Variants in EML6 observed in about 807,000 individuals in gnomAD.
EML6 encodes the protein echinoderm microtubule-associated protein-like 6.
Under a neutral mutation model 240.1 loss-of-function variants are expected in EML6, and 154 were observed. That is an observed-to-expected ratio of 0.64 (90% CI 0.56 to 0.73). The LOEUF is 0.73. EML6 is among the 30% of genes least tolerant of loss of function. The pLI is 0.00. For synonymous variants in EML6, 1,148 were observed against 899.0 expected, an observed-to-expected ratio of 1.28 and a Z score of -4.95; for missense variants, 2,964 against 2,474.6, an observed-to-expected ratio of 1.20 and a Z score of -4.20.
At chr2:54,855,458 G>GCCCCCCCCCCCCC (rs11297060) in intron 11 of EML6, among the ~76,000 whole-genome samples, 4 of 124,112 alleles carry the variant, frequency 3.2e-5, no homozygotes, top group Non-Finnish European at 3.4e-5. Flanking sequence ...CTTCTACCAT[G>GCCCCCCCCCCCCC]CCCCCCCCCC....
At chr2:54,799,963 C>T (rs181150344) in intron 2 of EML6, among the ~76,000 whole-genome samples, 8 of 152,060 alleles carry the variant, frequency 5.3e-5, no homozygotes, top group Non-Finnish European at 8.8e-5. Flanking sequence ...TTTGGGGTTT[C>T]GGCCAGGTGT....
intron 35 of EML6, among the ~76,000 whole-genome samples, chr2:54,961,928 C>G (rs1193825511): frequency 2.0e-5 from 3 of 151,618 alleles, no homozygotes; most frequent in Non-Finnish European, 4.4e-5. Context: ...CGCTTGAACC[C>G]AGGAGGCAGA....
At position 54,970,295 on chromosome 2, in the gene EML6, G is replaced by A. The variant is rs548646428; in HGVS notation, c.*200G>A. 77 of 609,968 alleles carry A rather than the reference G, an allele frequency of 1.3e-4. No individual in the cohort carries two copies. Among genetic ancestry groups the A allele is most frequent in the Non-Finnish European group, 2.1e-4 (72 of 342,940 alleles). 37.8% of individuals were successfully genotyped at this position (609,968 alleles called of 1,614,324 possible). ...CCAAAACCGTGATGCCACGAAGGAA[G>A]GTCAAGTTTTAAAATGTTAAAGACT... On this transcript the variant is annotated 3_prime_UTR_variant, in exon 42 of 42. Coordinates refer to ENST00000356458, the MANE Select transcript of EML6 (RefSeq NM_001039753.4).
chr2:54,916,788 C>G lies in EML6; in HGVS notation c.3528C>G (p.Thr1176=). The change falls in exon 26 of 42, where the codon ACC becomes ACG. Residue 1176 remains threonine, a synonymous_variant. Coordinates refer to ENST00000356458, the MANE Select transcript of EML6 (RefSeq NM_001039753.4). ...EIEKIEWDTW[T]CVLGPTCEGI... The stretch of plus-strand genomic sequence containing the variant: ...AGAAGATAGAGTGGGACACATGGAC[C>G]TGTGTCCTGGGGCCCACCTGTGAGG... 3 of 1,536,868 alleles carry G rather than the reference C, an allele frequency of 2.0e-6. No individual in the cohort carries two copies. The highest frequency in any genetic ancestry group is 2.6e-6 in the Non-Finnish European group (3 of 1,135,778).
chr2:54,765,081 A>G (rs1402590470), intron 2 of EML6, among the ~76,000 whole-genome samples: 2 of 152,024 alleles, frequency 1.3e-5, no homozygotes, highest in Non-Finnish European at 2.9e-5. Context: ...CTTTCTCGTA[A>G]TAATATATTT....
At position 54,892,404 on chromosome 2, in the gene EML6, T is replaced by C. The variant is rs1220478065; in HGVS notation, c.2540-50T>C. ...TGGAAGTAGTCCTTCTACATGCTTA[T>C]AGGAAGTGCCAGATTTTATAAAGTA... On this transcript the variant is annotated intron_variant, in intron 18 of 41. Transcript: ENST00000356458. 29 of 1,286,398 alleles carry C rather than the reference T, an allele frequency of 2.3e-5. No individual in the cohort carries two copies. The East Asian group carries it at 3.3e-4, about 15-fold the overall frequency. The allele number at this position is 1,286,398 out of a possible 1,614,324, so 79.7% of individuals were successfully genotyped here. A position where few individuals can be genotyped will look rare whatever the true frequency, so the allele number is the denominator to read the frequency against.
At chr2:54,728,374 C>T (rs927537958) in intron 2 of EML6, among the ~76,000 whole-genome samples, 8 of 152,190 alleles carry the variant, frequency 5.3e-5, no homozygotes, top group Non-Finnish European at 2.9e-5. Context: ...CATTTATCTC[C>T]TCACTCTGGA....
At chr2:54,742,167 T>A (rs2103653150) in intron 2 of EML6, among the ~76,000 whole-genome samples, 1 of 152,312 alleles carries the variant, frequency 6.6e-6, no homozygotes. Flanking sequence ...ACAGATCTGA[T>A]CTGTCTCTGC....
Position 54,849,964 on chromosome 2 carries a change from A to G in EML6, c.1190A>G (p.Asp397Gly). 1 of 1,550,676 alleles carries G rather than the reference A, an allele frequency of 6.4e-7. No homozygotes were observed. ...CGTTTTGCTTTTTATTCTTACAGAG[A>G]TATGACAGAAGTAGTTCACATCAAA... ...DGSFIVLRVR[D>G]MTEVVHIKDR... Residue 397 changes from aspartate to glycine, a missense_variant and splice_region_variant, in exon 10 of 42, where the codon GAT becomes GGT. Asp to Gly is a moderately conservative substitution (Grantham distance 94). Coordinates refer to ENST00000356458, the MANE Select transcript of EML6 (RefSeq NM_001039753.4).
At chr2:54,804,495 G>A (rs1202692544) in intron 2 of EML6, among the ~76,000 whole-genome samples, 1 of 152,208 alleles carries the variant, frequency 6.6e-6, no homozygotes. Flanking sequence ...TTTATCAGTA[G>A]CAATTATACT....
chr2:54,741,796 G>T (rs1016540550), intron 2 of EML6, among the ~76,000 whole-genome samples: 1 of 152,132 alleles, frequency 6.6e-6, no homozygotes, highest in Non-Finnish European at 1.5e-5. Context: ...AAAAATCCTT[G>T]CATCCATAGT....
rs138207970 is a variant in EML6, at chr2:54,887,587, C to G, written c.2439-3467C>G. On this transcript the variant is annotated intron_variant, in intron 17 of 41. Transcript: ENST00000356458. ...TGTATTTAGAAAAATACTGCCCATT[C>G]TCACATTAAAAAGAAATCACCTATT... Among the ~76,000 whole-genome samples the G allele has an allele frequency of 4.9e-4, 74 of 152,244 alleles. No homozygotes were observed. The East Asian group carries it at 0.012, about 25-fold the overall frequency.
intron 28 of EML6, among the ~76,000 whole-genome samples, chr2:54,941,179 C>T (rs542599799): frequency 6.6e-6 from 1 of 152,266 alleles, no homozygotes; most frequent in East Asian, 1.9e-4. Context: ...TACATAGTTT[C>T]AATATTTTCA....
intron 40 of EML6, 108 bp downstream of exon 40, chr2:54,968,389 C>G (rs1422560152): frequency 4.4e-5 from 47 of 1,072,720 alleles, no homozygotes; most frequent in Non-Finnish European, 6.3e-5. Context: ...AAACCCTGTC[C>G]CGGTACAGTG....
intron 2 of EML6, among the ~76,000 whole-genome samples, chr2:54,739,649 A>G (rs1683546650): frequency 6.6e-6 from 1 of 152,238 alleles, no homozygotes; most frequent in Non-Finnish European, 1.5e-5. Context: ...AGGAGTCCAC[A>G]TATGCACAGC....
chr2:54,909,998 T>G lies in EML6; in HGVS notation c.3410-956T>G, dbSNP rs184499376. Among the ~76,000 whole-genome samples, 103 of 152,188 alleles carry G rather than the reference T, an allele frequency of 6.8e-4. 1 individual carries two copies. Among genetic ancestry groups the G allele is most frequent in the African/African-American group, 2.3e-3 (96 of 41,522 alleles). ...AAAGATATTTCAAAACTACTAGATA[T>G]ACATAGTTATGGGAAAAAACAAAAG... On this transcript the variant is annotated intron_variant, in intron 24 of 41. Coordinates refer to ENST00000356458, the MANE Select transcript of EML6 (RefSeq NM_001039753.4).
chr2:54,793,119 T>G (rs557948391), intron 2 of EML6, among the ~76,000 whole-genome samples: 1 of 152,090 alleles, frequency 6.6e-6, no homozygotes, highest in South Asian at 2.1e-4. Context: ...TTACAAAAAT[T>G]AGCTGGGTGT....
chr2:54,777,457 C>T (rs1413807156), intron 2 of EML6, among the ~76,000 whole-genome samples: 1 of 152,180 alleles, frequency 6.6e-6, no homozygotes, highest in East Asian at 1.9e-4. Context: ...TTTCTGTCTT[C>T]CACATAGACC....
At chr2:54,789,436 C>A (rs933045330) in intron 2 of EML6, among the ~76,000 whole-genome samples, 1 of 136,490 alleles carries the variant, frequency 7.3e-6, no homozygotes, top group Non-Finnish European at 1.5e-5. Context: ...ATGGCGTGAA[C>A]CCGGGAGGCG....
Sources: gnomAD v4.1 joint callset for allele counts (sites outside exome capture counted in the v4.1 genomes callset) on GRCh38, gnomAD v4.1.1 for gene constraint, MANE v1.5 for transcripts, NCBI Gene and HGNC (gene_info 2026-07-23, HGNC 2026-07-21) for gene names.